TMEM19: variants seen among roughly 807,000 people sequenced by gnomAD.
TMEM19 encodes transmembrane protein 19.
TMEM19 carries 21 observed loss-of-function variants against 33.6 expected under a neutral mutation model. The observed-to-expected ratio is 0.62, with a 90% CI of 0.44 to 0.90. The LOEUF is 0.90. TMEM19 is among the 40% of genes least tolerant of loss of function. The pLI, the probability that TMEM19 is intolerant of heterozygous loss-of-function variation, is 0.00. For synonymous variants in TMEM19, 149 were observed against 147.5 expected, an observed-to-expected ratio of 1.01 and a Z score of -0.07; for missense variants, 402 against 401.8, an observed-to-expected ratio of 1.00 and a Z score of 0.00.
rs1021390628 is a variant in TMEM19 at position 71,686,401 on chromosome 12, G to A, written c.-280G>A. 1.9e-5 allele frequency: 6 copies of A among 316,384 alleles called. No homozygotes were observed. The highest frequency in any genetic ancestry group is 5.8e-5 in the Admixed American group (1 of 17,106). 19.6% of individuals were successfully genotyped at this position (316,384 alleles called of 1,614,324 possible). On this transcript the variant is annotated 5_prime_UTR_variant, in exon 1 of 6. Transcript: ENST00000266673. Reference sequence around the variant, plus strand: ...TTCCCCGTGGGCTCCGGCGTGAGGCGCTGAAGCGGCCGGCAGCCGGCGACC... The same window carrying A: ...TTCCCCGTGGGCTCCGGCGTGAGGCACTGAAGCGGCCGGCAGCCGGCGACC...
At position 71,701,903 on chromosome 12, in the gene TMEM19, T is replaced by C. The variant is rs190798715; in HGVS notation, c.*908T>C. The C allele has an allele frequency of 7.6e-4, 116 of 152,348 alleles. No homozygotes were observed. Among genetic ancestry groups the C allele is most frequent in the African/African-American group, 2.7e-3 (112 of 41,568 alleles). 9.4% of individuals were successfully genotyped at this position (152,348 alleles called of 1,614,324 possible). A position where few individuals can be genotyped will look rare whatever the true frequency, so the allele number is the denominator to read the frequency against. ...GGAAAATGCTATGATTTTTCTATTA[T>C]TACCTTCTAAGTTGTATTCTCTCTT... On this transcript the variant is annotated 3_prime_UTR_variant, in exon 6 of 6. Coordinates refer to ENST00000266673, the MANE Select transcript of TMEM19 (RefSeq NM_018279.4).
At chr12:71,694,049 A>G (rs1288067746) in intron 2 of TMEM19, among the ~76,000 whole-genome samples, 3 of 152,200 alleles carry the variant, frequency 2.0e-5, no homozygotes, top group Non-Finnish European at 4.4e-5. Context: ...TTGCTACATC[A>G]TGACTTTAGT....
Position 71,702,400 on chromosome 12 carries a change from C to T in TMEM19, c.*1405C>T, listed in dbSNP as rs886393783. The T allele has an allele frequency of 6.6e-6, 1 of 152,248 alleles. No individual in the cohort carries two copies. The highest frequency in any genetic ancestry group is 2.4e-5 in the African/African-American group (1 of 41,450). The allele number at this position is 152,248 out of a possible 1,614,324, so 9.4% of individuals were successfully genotyped here. A position where few individuals can be genotyped will look rare whatever the true frequency, so the allele number is the denominator to read the frequency against. ...CCAGCACAGTGGCATGATCTCAGCT[C>T]CGCCTCCTGGGTTCACGTGATTCTC... is the stretch of plus-strand genomic sequence containing the variant. On this transcript the variant is annotated 3_prime_UTR_variant, in exon 6 of 6. Transcript: ENST00000266673.
At chr12:71,698,103 CT>C (rs1881907061) in intron 4 of TMEM19, among the ~76,000 whole-genome samples, 1 of 152,034 alleles carries the variant, frequency 6.6e-6, no homozygotes, top group Non-Finnish European at 1.5e-5. Flanking sequence ...ATCCAAAACA[CT>C]TCTGGTCTCA....
Position 71,700,827 on chromosome 12 carries a change from TC to T in TMEM19, c.848-3del. 1 of 1,573,440 alleles carries T rather than the reference TC, an allele frequency of 6.4e-7. No homozygotes were observed. Among genetic ancestry groups the T allele is most frequent in the Non-Finnish European group, 8.6e-7 (1 of 1,161,568 alleles). On this transcript the variant is annotated splice_polypyrimidine_tract_variant and splice_region_variant and intron_variant, in intron 5 of 5. Transcript: ENST00000266673. ...CTATCTCACTTGCTTCTTTTTCCAT[TC>T]CAGGGTTGGATGAAAGCACTGGCAT... is the stretch of plus-strand genomic sequence containing the variant.
intron 2 of TMEM19, 93 bp from the exon 3 acceptor site, chr12:71,696,343 A>T (rs1382641058): frequency 5.9e-5 from 69 of 1,168,254 alleles, no homozygotes; most frequent in Non-Finnish European, 7.8e-5. Context: ...ATTTCAGGTT[A>T]TAATATAAAA....
chr12:71,687,686 AAT>A (rs1275843225), intron 1 of TMEM19, among the ~76,000 whole-genome samples: 2 of 152,266 alleles, frequency 1.3e-5, no homozygotes, highest in Non-Finnish European at 2.9e-5. Context: ...GCTTCAAAAG[AAT>A]AGACTCCTTT....
chr12:71,690,989 G>T (rs1320267840), intron 2 of TMEM19, among the ~76,000 whole-genome samples: 1 of 152,148 alleles, frequency 6.6e-6, no homozygotes, highest in African/African-American at 2.4e-5. Context: ...CTTAAAGAGG[G>T]AACCCCAAAT....
chr12:71,700,090 A>G (rs552313482), intron 5 of TMEM19, among the ~76,000 whole-genome samples: 2 of 152,254 alleles, frequency 1.3e-5, no homozygotes, highest in East Asian at 1.9e-4. Flanking sequence ...CAGAAAATCT[A>G]TGTGCCCTTC....
At chr12:71,696,807 T>G (rs1366361437) in intron 3 of TMEM19, among the ~76,000 whole-genome samples, 2 of 152,006 alleles carry the variant, frequency 1.3e-5, no homozygotes, top group African/African-American at 4.8e-5. Flanking sequence ...CAACCATGCC[T>G]GGCTAATTTT....
chr12:71,700,595 A>C (rs1416667071), intron 5 of TMEM19, among the ~76,000 whole-genome samples: 1 of 152,176 alleles, frequency 6.6e-6, no homozygotes, highest in East Asian at 1.9e-4. Flanking sequence ...GCCATTTGTA[A>C]TCAAGGGTCC....
chr12:71,697,334 T>C lies in TMEM19; in HGVS notation c.437T>C (p.Leu146Pro). 1 of 1,611,014 alleles carries C rather than the reference T, an allele frequency of 6.2e-7. No homozygotes were observed. The highest frequency in any genetic ancestry group is 8.5e-7 in the Non-Finnish European group (1 of 1,178,980). The change falls in exon 4 of 6, where the codon CTG (leucine) becomes CCG (proline). Residue 146 changes from leucine (L) to proline (P), a missense_variant. By Grantham distance (98) the Leu-to-Pro change is moderately conservative. Coordinates refer to ENST00000266673, the MANE Select transcript of TMEM19 (RefSeq NM_018279.4). ...VFCNGAVPTE[L>P]ALLYMIENGP... ...TGTAATGGAGCTGTACCCACAGAAC[T>C]GGCCCTGCTGTACATGATAGAAAAT...
chr12:71,699,230 G>C, intron 5 of TMEM19, 121 bp downstream of exon 5: 1 of 1,011,936 alleles, frequency 9.9e-7, no homozygotes, highest in South Asian at 1.5e-5. Context: ...GACTAGAAAT[G>C]ATAGGGCAAA....
At position 71,686,273 on chromosome 12, in the gene TMEM19, G is replaced by A; in HGVS notation, c.-408G>A. 4.3e-6 allele frequency: 1 copy of A among 231,674 alleles called. No individual in the cohort carries two copies. Among genetic ancestry groups the A allele is most frequent in the Non-Finnish European group, 8.5e-6 (1 of 117,202 alleles). The allele number at this position is 231,674 out of a possible 1,614,324, so 14.4% of individuals were successfully genotyped here. On this transcript the variant is annotated 5_prime_UTR_variant, in exon 1 of 6. Transcript: ENST00000266673. ...GTTCGGGTGCCCTAGCTGCCCCTTT[G>A]CAGCCGCTGGCCTACCCGGCCCGCG...
At chr12:71,696,135 T>C (rs1881866587) in intron 2 of TMEM19, among the ~76,000 whole-genome samples, 1 of 152,118 alleles carries the variant, frequency 6.6e-6, no homozygotes, top group African/African-American at 2.4e-5. Flanking sequence ...CTGGGCAATA[T>C]AGTGAGACCC....
At chr12:71,696,373 CT>C (rs1881870828) in intron 2 of TMEM19, 62 bp from the exon 3 acceptor site, 2 of 1,304,060 alleles carry the variant, frequency 1.5e-6, no homozygotes, top group Non-Finnish European at 2.0e-6. Context: ...AAAATCCATT[CT>C]TTTTTCACAG....
At chr12:71,687,597 G>A (rs187299818) in intron 1 of TMEM19, among the ~76,000 whole-genome samples, 224 of 152,110 alleles carry the variant, frequency 1.5e-3, no homozygotes, top group African/African-American at 5.1e-3. Flanking sequence ...AGTTTCACAT[G>A]TTCTGTAAAA....
Position 71,698,905 on chromosome 12 carries a change from A to G in TMEM19, c.643A>G (p.Asn215Asp). ...TTWEKVPVGT[N>D]GGVTVVGLVS... Reference sequence around the variant, plus strand: ...TCTGCATGTTTCTTCTTCAGGTACCAATGGAGGAGTTACAGTGGTGGGCCT... The same window carrying G: ...TCTGCATGTTTCTTCTTCAGGTACCGATGGAGGAGTTACAGTGGTGGGCCT... Residue 215 changes from asparagine to aspartate, a missense_variant, in exon 5 of 6, where the codon AAT becomes GAT. Physicochemically the swap from Asn to Asp is conservative, Grantham distance 23. Transcript: ENST00000266673. 6.2e-7 allele frequency: 1 copy of G among 1,613,998 alleles called. No homozygotes were observed. Among genetic ancestry groups the G allele is most frequent in the South Asian group, 1.1e-5 (1 of 91,068 alleles).
rs190294925 is a variant in TMEM19, at chr12:71,688,202, T to C, written c.131-1389T>C. Among the ~76,000 whole-genome samples, 15 of 152,348 alleles carry C rather than the reference T, an allele frequency of 9.8e-5. No individual in the cohort carries two copies. The East Asian group carries it at 2.9e-3, about 29-fold the overall frequency. On this transcript the variant is annotated intron_variant, in intron 1 of 5. Transcript: ENST00000266673. ...ATTTCCAGAAATAGGATATTTCTCA[T>C]CTTTTGTTGAATGCTTGGGCCCTCT...
Sources: allele counts gnomAD v4.1 joint callset (sites outside exome capture counted in the v4.1 genomes callset), GRCh38; gene constraint gnomAD v4.1.1; transcripts MANE v1.5; gene names NCBI Gene and HGNC (gene_info 2026-07-23, HGNC 2026-07-21).